Variants in EFR3A observed in about 807,000 individuals in gnomAD.
The protein encoded by EFR3A is protein EFR3 homolog A.
In EFR3A, 76 loss-of-function variants were observed where a neutral mutation model predicts 104.4. The ratio of observed to expected loss-of-function variants is 0.73; its 90% CI spans 0.60 to 0.88. The LOEUF is 0.88. EFR3A is among the 40% of genes least tolerant of loss of function. EFR3A has a pLI of 0.00. For synonymous variants in EFR3A, 330 were observed against 330.0 expected (o/e 1.00, Z 0.00); for missense variants, 985 against 1,012.5 (o/e 0.97, Z 0.37).
At position 131,923,467 on chromosome 8, in the gene EFR3A, G is replaced by T. The variant is rs537283320; in HGVS notation, c.11-17032G>T. Among the ~76,000 whole-genome samples, 277 of 148,650 alleles carry T rather than the reference G, an allele frequency of 1.9e-3. 2 individuals are homozygous for T. The highest frequency in any genetic ancestry group is 6.6e-3 in the African/African-American group (269 of 40,636). ...TCATTTTGCTCTGTATAAACTTCACGGCCTTTAAAAAGGCATCTGGGAAAA... is the reference window on the plus strand; with the variant it reads ...TCATTTTGCTCTGTATAAACTTCACTGCCTTTAAAAAGGCATCTGGGAAAA... On this transcript the variant is annotated intron_variant, in intron 1 of 22. Transcript: ENST00000254624.
At chr8:131,933,364 A>T (rs1586559496) in intron 1 of EFR3A, among the ~76,000 whole-genome samples, 1 of 152,122 alleles carries the variant, frequency 6.6e-6, no homozygotes, top group Admixed American at 6.6e-5. Context: ...GGGCAGAGGT[A>T]TGAGTACTTT....
intron 1 of EFR3A, among the ~76,000 whole-genome samples, chr8:131,925,398 G>T (rs1023124305): frequency 1.3e-5 from 2 of 152,062 alleles, no homozygotes; most frequent in East Asian, 3.9e-4. Flanking sequence ...GGGGCAAAAC[G>T]TCCTTCAATT....
At chr8:131,991,544 A>G (rs1821182843) in intron 18 of EFR3A, among the ~76,000 whole-genome samples, 1 of 152,100 alleles carries the variant, frequency 6.6e-6, no homozygotes, top group African/African-American at 2.4e-5. Context: ...AGTAGCTTGT[A>G]GGCAGTTAGG....
At chr8:131,912,981 ATTTTTT>A (rs3051318) in intron 1 of EFR3A, among the ~76,000 whole-genome samples, 2 of 141,342 alleles carry the variant, frequency 1.4e-5, no homozygotes, top group Admixed American at 7.0e-5. Context: ...TATCACTTGT[ATTTTTT>A]TTTTTTTTTT....
At chr8:131,909,045 C>T (rs1476401189) in intron 1 of EFR3A, among the ~76,000 whole-genome samples, 2 of 152,168 alleles carry the variant, frequency 1.3e-5, no homozygotes, top group East Asian at 1.9e-4. Context: ...TTGTTATTAA[C>T]TATAGTCATC....
chr8:132,003,144 C>A, intron 21 of EFR3A, 92 bp from the exon 22 acceptor site: 4 of 1,050,462 alleles, frequency 3.8e-6, no homozygotes, highest in Non-Finnish European at 5.7e-6. Context: ...TTAATAGTCA[C>A]AATTATACTT....
At chr8:131,933,331 C>T (rs1032948980) in intron 1 of EFR3A, among the ~76,000 whole-genome samples, 6 of 152,078 alleles carry the variant, frequency 3.9e-5, no homozygotes, top group African/African-American at 1.4e-4. Context: ...TAGGAATGAA[C>T]CATGCAGTGT....
At chr8:131,916,906 AGTTCT>A (rs1816769709) in intron 1 of EFR3A, among the ~76,000 whole-genome samples, 1 of 152,216 alleles carries the variant, frequency 6.6e-6, no homozygotes, top group South Asian at 2.1e-4. Context: ...CAGCCGTGGC[AGTTCT>A]GTCCTATACG....
chr8:131,908,171 C>G (rs1024578597), intron 1 of EFR3A, among the ~76,000 whole-genome samples: 2 of 152,038 alleles, frequency 1.3e-5, no homozygotes, highest in African/African-American at 4.8e-5. Context: ...AGCAGTTCTC[C>G]TGTCTCAGCC....
chr8:131,984,039 A>T, intron 14 of EFR3A, 100 bp from the exon 15 acceptor site: 2 of 970,192 alleles, frequency 2.1e-6, no homozygotes, highest in South Asian at 6.2e-5. Context: ...ATGTTAAGCT[A>T]TATAATAACA....
At chr8:131,938,439 G>A in intron 1 of EFR3A, 1 of 384,104 alleles carries the variant, frequency 2.6e-6, no homozygotes, top group Non-Finnish European at 4.6e-6. Context: ...ACCTTACATT[G>A]TCTTTGATAT....
intron 8 of EFR3A, among the ~76,000 whole-genome samples, chr8:131,961,262 C>G (rs552987296): frequency 1.3e-5 from 2 of 151,856 alleles, no homozygotes; most frequent in African/African-American, 2.4e-5. Context: ...CAAACTTCTC[C>G]GAGCTAAAGG....
At chr8:131,957,513 G>A (rs1000453485) in intron 7 of EFR3A, among the ~76,000 whole-genome samples, 1 of 151,934 alleles carries the variant, frequency 6.6e-6, no homozygotes, top group African/African-American at 2.4e-5. Flanking sequence ...ACCATGCCTG[G>A]CCAATTTTGT....
At chr8:131,971,671 G>A (rs1166532898) in intron 10 of EFR3A, among the ~76,000 whole-genome samples, 26 of 142,024 alleles carry the variant, frequency 1.8e-4, no homozygotes, top group Admixed American at 1.3e-3. Context: ...CTGGGCGACA[G>A]CAAGACTCCG....
chr8:131,925,277 T>G (rs1208142498), intron 1 of EFR3A, among the ~76,000 whole-genome samples: 1 of 152,208 alleles, frequency 6.6e-6, no homozygotes, highest in Non-Finnish European at 1.5e-5. Context: ...ACTAAAATAA[T>G]GAAGATTTTT....
At chr8:131,922,818 A>G (rs1563626925) in intron 1 of EFR3A, among the ~76,000 whole-genome samples, 1 of 152,024 alleles carries the variant, frequency 6.6e-6, no homozygotes, top group Non-Finnish European at 1.5e-5. Flanking sequence ...GGAAATTCTT[A>G]GATTGGTTTT....
chr8:132,002,067 A>G (rs1409323704), intron 20 of EFR3A, among the ~76,000 whole-genome samples: 1 of 152,288 alleles, frequency 6.6e-6, no homozygotes, highest in East Asian at 1.9e-4. Context: ...TTACTTTCTC[A>G]CAAACTTTGG....
Position 131,970,601 on chromosome 8 carries a change from A to G in EFR3A, c.1117A>G (p.Asn373Asp). The G allele has an allele frequency of 6.2e-7, 1 of 1,613,836 alleles. No homozygotes were observed. The highest frequency in any genetic ancestry group is 8.5e-7 in the Non-Finnish European group (1 of 1,179,794). ...CAACTTAAATACAAGTTCCAAAGAC[A>G]ATGATGAGAAGATTGTGCAGAATGC... ...SVNLNTSSKDNDEKIVQNAII... is the reference protein window; with the variant it reads ...SVNLNTSSKDDDEKIVQNAII... Residue 373 changes from asparagine (N) to aspartate (D), a missense_variant, in exon 10 of 23, where the codon AAT becomes GAT. Coordinates refer to ENST00000254624, the MANE Select transcript of EFR3A (RefSeq NM_015137.6).
intron 22 of EFR3A, among the ~76,000 whole-genome samples, chr8:132,009,967 A>G (rs1359452992): frequency 1.3e-5 from 2 of 152,080 alleles, no homozygotes; most frequent in Admixed American, 6.6e-5. Flanking sequence ...AGAGAAAAAT[A>G]TCTGAGTAGG....
Sources: gnomAD v4.1 joint callset for allele counts (sites outside exome capture counted in the v4.1 genomes callset) on GRCh38, gnomAD v4.1.1 for gene constraint, MANE v1.5 for transcripts, NCBI Gene and HGNC (gene_info 2026-07-23, HGNC 2026-07-21) for gene names.